GAPVD1: variants seen among roughly 807,000 people sequenced by gnomAD.
The protein encoded by GAPVD1 is GTPase-activating protein and VPS9 domain-containing protein 1.
Under a neutral mutation model 155.5 loss-of-function variants are expected in GAPVD1, and 35 were observed. The observed-to-expected ratio is 0.23, with a 90% confidence interval of 0.17 to 0.30. GAPVD1 has a LOEUF of 0.30. Ranked by LOEUF, GAPVD1 falls within the 10% of genes least tolerant of loss-of-function variation. GAPVD1 has a pLI of 1.00. For synonymous variants in GAPVD1, 636 were observed against 619.7 expected (o/e 1.03, Z -0.39); for missense variants, 1,429 against 1,775.7 (o/e 0.80, Z 3.51).
At chr9:125,281,208 C>T (rs942963907) in intron 2 of GAPVD1, among the ~76,000 whole-genome samples, 1 of 152,050 alleles carries the variant, frequency 6.6e-6, no homozygotes, top group Non-Finnish European at 1.5e-5. Context: ...TTACAGTGTT[C>T]GAATACTGCT....
At chr9:125,326,272 C>T (rs1046672621) in intron 11 of GAPVD1, 144 bp from the exon 12 acceptor site, 5 of 585,046 alleles carry the variant, frequency 8.5e-6, no homozygotes, top group Non-Finnish European at 1.5e-5. Context: ...AATCCCAGCA[C>T]TTTGGGAGGC....
chr9:125,334,649 C>T (rs1277868661), intron 15 of GAPVD1, among the ~76,000 whole-genome samples: 2 of 152,086 alleles, frequency 1.3e-5, no homozygotes, highest in Middle Eastern at 3.2e-3. Flanking sequence ...CCTGTGATCC[C>T]AGCACTTCGA....
intron 15 of GAPVD1, among the ~76,000 whole-genome samples, chr9:125,334,616 G>A (rs904986186): frequency 6.6e-6 from 1 of 152,112 alleles, no homozygotes; most frequent in African/African-American, 2.4e-5. Flanking sequence ...TTAACAAAGT[G>A]TGGCCAGGTG....
chr9:125,286,957 G>A (rs1837804291), intron 2 of GAPVD1, among the ~76,000 whole-genome samples: 1 of 152,048 alleles, frequency 6.6e-6, no homozygotes, highest in African/African-American at 2.4e-5. Flanking sequence ...GGTCGGGGGT[G>A]CCTGTAATCC....
At chr9:125,360,780 C>A (rs1462906644) in intron 27 of GAPVD1, 55 bp downstream of exon 27, 1 of 1,245,442 alleles carries the variant, frequency 8.0e-7, no homozygotes, top group Non-Finnish European at 1.2e-6. Flanking sequence ...GAGCAGGTGG[C>A]ACAGGGCTTC....
In GAPVD1 at chr9:125,331,937, C is replaced by T; in HGVS notation, c.2185C>T (p.Leu729=). ...VLPSDSEAPD[L]KQEERLQELE... ...TATCTTCTATTTAGAGGCCCCAGAC[C>T]TAAAGCAGGAGGAGCGTCTGCAAGA... The change falls in exon 14 of 28, where the codon CTA becomes TTA. Residue 729 remains leucine, a synonymous_variant. Transcript: ENST00000297933. The T allele has an allele frequency of 6.2e-7, 1 of 1,613,988 alleles. No homozygotes were observed.
intron 13 of GAPVD1, among the ~76,000 whole-genome samples, chr9:125,330,464 A>G (rs562267334): frequency 2.0e-5 from 3 of 152,012 alleles, no homozygotes; most frequent in East Asian, 1.9e-4. Flanking sequence ...GATTACAGAC[A>G]TGCCCCACCA....
intron 10 of GAPVD1, among the ~76,000 whole-genome samples, chr9:125,322,657 A>G (rs1844506931): frequency 1.4e-5 from 2 of 147,090 alleles, no homozygotes; most frequent in Admixed American, 1.4e-4. Flanking sequence ...CTTAAATAAC[A>G]TGGTTTTTAT....
chr9:125,307,629 G>A, intron 7 of GAPVD1, 62 bp from the exon 8 acceptor site: 1 of 1,548,360 alleles, frequency 6.5e-7, no homozygotes, highest in East Asian at 2.2e-5. Context: ...TACATTGTGT[G>A]GGAAATACAT....
intron 3 of GAPVD1, among the ~76,000 whole-genome samples, chr9:125,298,360 T>A (rs1161462491): frequency 1.3e-5 from 2 of 152,158 alleles, no homozygotes; most frequent in Admixed American, 1.3e-4. Context: ...CAGTGAGCTT[T>A]TTTTTCTTTT....
At chr9:125,355,388 G>A (rs1849923799) in intron 24 of GAPVD1, among the ~76,000 whole-genome samples, 2 of 152,220 alleles carry the variant, frequency 1.3e-5, no homozygotes, top group African/African-American at 4.8e-5. Context: ...ACAGGCGTGA[G>A]CCACTGTGCC....
intron 5 of GAPVD1, 133 bp downstream of exon 5, chr9:125,302,959 A>G: frequency 9.8e-7 from 1 of 1,017,634 alleles, no homozygotes; most frequent in Non-Finnish European, 1.4e-6. Context: ...AGTCCTAAGT[A>G]TTTGCATCTT....
intron 2 of GAPVD1, among the ~76,000 whole-genome samples, chr9:125,293,866 A>T (rs1212760865): frequency 1.1e-4 from 2 of 17,544 alleles, no homozygotes; most frequent in Non-Finnish European, 1.8e-4. Context: ...ATATATATAT[A>T]TATATATATA....
rs555753623 is a variant in GAPVD1 at position 125,320,884 on chromosome 9, C to T, written c.1603-549C>T. 1.4e-4 allele frequency among the ~76,000 whole-genome samples: 22 copies of T among 152,254 alleles called. No homozygotes were observed. In the East Asian group the frequency reaches 4.2e-3, roughly 29 times the overall value. Reference sequence around the variant, plus strand: ...CTCGTGATCTGCCTGCCCTGGCCTCCCAAAGTGCTGAGATTACAGGCGTGA... The same window carrying T: ...CTCGTGATCTGCCTGCCCTGGCCTCTCAAAGTGCTGAGATTACAGGCGTGA... On this transcript the variant is annotated intron_variant, in intron 9 of 27. Transcript: ENST00000297933.
intron 10 of GAPVD1, among the ~76,000 whole-genome samples, chr9:125,321,886 G>A (rs10819045): frequency 6.6e-6 from 1 of 151,832 alleles, no homozygotes; most frequent in Non-Finnish European, 1.5e-5. Context: ...CATGCATGTC[G>A]AAACGGGAAA....
intron 3 of GAPVD1, among the ~76,000 whole-genome samples, chr9:125,298,622 G>A (rs888143252): frequency 1.3e-5 from 2 of 150,622 alleles, no homozygotes; most frequent in African/African-American, 2.4e-5. Flanking sequence ...CTGAGTAGCC[G>A]GGACTACAGG....
At chr9:125,297,187 C>T (rs1840024446) in intron 3 of GAPVD1, among the ~76,000 whole-genome samples, 2 of 152,090 alleles carry the variant, frequency 1.3e-5, no homozygotes, top group African/African-American at 4.8e-5. Flanking sequence ...TCATTTATTC[C>T]TTTGGCAAAT....
chr9:125,272,540 T>C (rs1053372363), intron 2 of GAPVD1, among the ~76,000 whole-genome samples: 2 of 152,198 alleles, frequency 1.3e-5, no homozygotes, highest in African/African-American at 2.4e-5. Flanking sequence ...ACCATGATAA[T>C]AGTAATGGTA....
intron 1 of GAPVD1, chr9:125,264,104 G>C: frequency 1.3e-6 from 1 of 753,134 alleles, no homozygotes; most frequent in Non-Finnish European, 2.4e-6. Flanking sequence ...AAGAACATTT[G>C]AATCATTGAA....
Sources: gnomAD v4.1 joint callset for allele counts (sites outside exome capture counted in the v4.1 genomes callset) on GRCh38, gnomAD v4.1.1 for gene constraint, MANE v1.5 for transcripts, NCBI Gene and HGNC (gene_info 2026-07-23, HGNC 2026-07-21) for gene names.